UNC5D: variants seen among roughly 807,000 people sequenced by gnomAD.
UNC5D encodes the protein netrin receptor UNC5D.
UNC5D carries 39 observed loss-of-function variants against 105.4 expected under a neutral mutation model. That is an observed-to-expected ratio of 0.37 (90% CI 0.29 to 0.48). UNC5D has a LOEUF of 0.48. Among genes scored for constraint, UNC5D ranks in the 20% least tolerant of loss-of-function variants. The pLI is 0.98. For missense variants in UNC5D, 991 were observed against 1,202.4 expected, an observed-to-expected ratio of 0.82 and a Z score of 2.60; for synonymous variants, 452 against 450.4, an observed-to-expected ratio of 1.00 and a Z score of -0.04.
intron 11 of UNC5D, among the ~76,000 whole-genome samples, chr8:35,742,334 C>CA (rs1181993317): frequency 1.3e-5 from 2 of 151,702 alleles, no homozygotes; most frequent in Non-Finnish European, 2.9e-5. Context: ...TACCCCAGGT[C>CA]AAAATCTGAG....
At chr8:35,611,689 C>A (rs920517681) in intron 4 of UNC5D, among the ~76,000 whole-genome samples, 2 of 152,318 alleles carry the variant, frequency 1.3e-5, no homozygotes, top group Non-Finnish European at 2.9e-5. Context: ...TTTGTCACTG[C>A]AGTTATTTTT....
At chr8:35,433,452 T>G (rs550976943) in intron 1 of UNC5D, among the ~76,000 whole-genome samples, 6 of 152,240 alleles carry the variant, frequency 3.9e-5, no homozygotes, top group Non-Finnish European at 8.8e-5. Flanking sequence ...AGGAAAGAAA[T>G]GGTAACTTAC....
At chr8:35,674,302 A>G (rs1304618732) in intron 4 of UNC5D, among the ~76,000 whole-genome samples, 2 of 152,204 alleles carry the variant, frequency 1.3e-5, no homozygotes, top group East Asian at 3.9e-4. Flanking sequence ...CAAATCTAGC[A>G]AATGATAGGA....
At chr8:35,243,691 T>C (rs1802928580) in intron 1 of UNC5D, among the ~76,000 whole-genome samples, 2 of 152,192 alleles carry the variant, frequency 1.3e-5, no homozygotes, top group East Asian at 3.9e-4. Context: ...TGAGTCCATA[T>C]GGGGTAGTGA....
At chr8:35,429,813 G>A (rs972205388) in intron 1 of UNC5D, among the ~76,000 whole-genome samples, 5 of 152,022 alleles carry the variant, frequency 3.3e-5, no homozygotes, top group African/African-American at 1.2e-4. Context: ...GACGACCAAT[G>A]ATCTTTTTTT....
chr8:35,597,817 A>C (rs1275274347), intron 4 of UNC5D, among the ~76,000 whole-genome samples: 1 of 152,142 alleles, frequency 6.6e-6, no homozygotes, highest in Admixed American at 6.5e-5. Flanking sequence ...GCAGCCATTT[A>C]AGGGCTCTGT....
At chr8:35,674,327 G>A (rs1825043760) in intron 4 of UNC5D, among the ~76,000 whole-genome samples, 1 of 152,102 alleles carries the variant, frequency 6.6e-6, no homozygotes, top group Non-Finnish European at 1.5e-5. Flanking sequence ...TGAGTTTAGT[G>A]GATAAAAGCA....
rs3073013 is a variant in UNC5D at position 35,237,179 on chromosome 8, G to GTTTTTTTT, written c.103+1312_103+1319dup. On this transcript the variant is annotated intron_variant, in intron 1 of 16. Transcript: ENST00000404895. ...CCATTTGCATTTCATTTCCTGAAAA[G>GTTTTTTTT]TTTTTTTTTTTTTTTTTTTTTTTTT... Among the ~76,000 whole-genome samples the GTTTTTTTT allele has an allele frequency of 3.2e-5, 2 of 61,810 alleles. 1 individual carries two copies. The highest frequency in any genetic ancestry group is 1.3e-4 in the African/African-American group (2 of 15,448). 40.5% of individuals were successfully genotyped at this position (61,810 alleles called of 152,430 possible).
At chr8:35,348,525 A>G (rs988051225) in intron 1 of UNC5D, among the ~76,000 whole-genome samples, 10 of 129,032 alleles carry the variant, frequency 7.8e-5, no homozygotes, top group African/African-American at 3.2e-4. Context: ...TAGGAAAATC[A>G]ATGTAGAATA....
chr8:35,445,032 A>G (rs1044823307), intron 1 of UNC5D, among the ~76,000 whole-genome samples: 1 of 151,982 alleles, frequency 6.6e-6, no homozygotes, highest in Non-Finnish European at 1.5e-5. Flanking sequence ...TCCTAGAGTC[A>G]TATTTTTATT....
chr8:35,775,305 G>A (rs996601043), intron 16 of UNC5D, among the ~76,000 whole-genome samples: 2 of 152,186 alleles, frequency 1.3e-5, no homozygotes, highest in Non-Finnish European at 2.9e-5. Context: ...CCTAGGAACT[G>A]TGAATGAACA....
At chr8:35,451,865 G>C (rs1014410992) in intron 1 of UNC5D, among the ~76,000 whole-genome samples, 21 of 152,102 alleles carry the variant, frequency 1.4e-4, no homozygotes, top group African/African-American at 5.1e-4. Flanking sequence ...GAAATTTCAG[G>C]TTCCTTTCAA....
intron 1 of UNC5D, chr8:35,254,289 CT>C (rs1452695243): frequency 6.6e-6 from 1 of 152,150 alleles, no homozygotes; most frequent in African/African-American, 2.4e-5. Context: ...TACCTGACCA[CT>C]CCCATTATAT....
At chr8:35,485,313 T>C (rs2130029423) in intron 1 of UNC5D, among the ~76,000 whole-genome samples, 1 of 152,324 alleles carries the variant, frequency 6.6e-6, no homozygotes, top group Non-Finnish European at 1.5e-5. Flanking sequence ...GTTTCTAGAA[T>C]ACTGTCAGTA....
intron 1 of UNC5D, among the ~76,000 whole-genome samples, chr8:35,246,989 G>A (rs952093977): frequency 1.3e-5 from 2 of 151,918 alleles, no homozygotes; most frequent in African/African-American, 4.8e-5. Context: ...GTCCAAATTT[G>A]TACATGAGAA....
chr8:35,479,795 C>T (rs887628357), intron 1 of UNC5D, among the ~76,000 whole-genome samples: 2 of 152,106 alleles, frequency 1.3e-5, no homozygotes, highest in Non-Finnish European at 1.5e-5. Context: ...AGGGAGAGAA[C>T]ATAGGTTGGA....
chr8:35,468,572 T>G (rs1809478971), intron 1 of UNC5D, among the ~76,000 whole-genome samples: 1 of 152,206 alleles, frequency 6.6e-6, no homozygotes, highest in African/African-American at 2.4e-5. Flanking sequence ...ATTGTCTGTG[T>G]CCTCTGTCTC....
At chr8:35,743,771 A>G (rs1476250869) in intron 11 of UNC5D, among the ~76,000 whole-genome samples, 1 of 152,090 alleles carries the variant, frequency 6.6e-6, no homozygotes, top group African/African-American at 2.4e-5. Context: ...ATACATATAT[A>G]TACATATATG....
chr8:35,350,722 G>T (rs1386260742), intron 1 of UNC5D, among the ~76,000 whole-genome samples: 2 of 151,908 alleles, frequency 1.3e-5, no homozygotes, highest in African/African-American at 4.8e-5. Context: ...TGGAAGTGAT[G>T]TTTATAGTTT....
Sources: gnomAD v4.1 joint callset for allele counts (sites outside exome capture counted in the v4.1 genomes callset) on GRCh38, gnomAD v4.1.1 for gene constraint, MANE v1.5 for transcripts, NCBI Gene and HGNC (gene_info 2026-07-23, HGNC 2026-07-21) for gene names.